Variants in NEDD4 observed in about 807,000 individuals in gnomAD.
NEDD4 encodes E3 ubiquitin-protein ligase NEDD4.
NEDD4 carries 99 observed loss-of-function variants against 144.9 expected under a neutral mutation model. The ratio of observed to expected loss-of-function variants is 0.68; its 90% CI spans 0.58 to 0.81. The LOEUF is 0.81. Ranked by LOEUF, NEDD4 falls within the 30% of genes least tolerant of loss-of-function variation. The probability of loss-of-function intolerance (pLI) is 0.00; values close to 1 mark genes in which losing one functional copy is unlikely to be tolerated. For synonymous variants in NEDD4, 318 were observed against 350.6 expected, an observed-to-expected ratio of 0.91 and a Z score of 1.04; for missense variants, 985 against 1,065.9, an observed-to-expected ratio of 0.92 and a Z score of 1.06.
At chr15:55,978,653 G>A (rs2142351440) in intron 1 of NEDD4, among the ~76,000 whole-genome samples, 1 of 152,208 alleles carries the variant, frequency 6.6e-6, no homozygotes. Context: ...TACCAGACCA[G>A]GGCTCTTCAC....
chr15:55,948,867 G>A (rs2037176037), intron 4 of NEDD4, among the ~76,000 whole-genome samples: 1 of 152,156 alleles, frequency 6.6e-6, no homozygotes, highest in Non-Finnish European at 1.5e-5. Context: ...GAAAACCCAG[G>A]CAGTACCATT....
At chr15:55,971,056 C>G (rs1231674748) in intron 1 of NEDD4, among the ~76,000 whole-genome samples, 3 of 152,114 alleles carry the variant, frequency 2.0e-5, no homozygotes, top group African/African-American at 7.2e-5. Context: ...AGAAGGATCT[C>G]AGGATCCTAT....
At chr15:55,878,149 G>C (rs1384925133) in intron 5 of NEDD4, among the ~76,000 whole-genome samples, 1 of 152,060 alleles carries the variant, frequency 6.6e-6, no homozygotes, top group Non-Finnish European at 1.5e-5. Context: ...ATAAATTGAA[G>C]ATAAAGGTAT....
At chr15:55,944,695 C>A (rs544774167) in intron 4 of NEDD4, among the ~76,000 whole-genome samples, 1 of 152,344 alleles carries the variant, frequency 6.6e-6, no homozygotes, top group East Asian at 1.9e-4. Flanking sequence ...AAGTGGGTCC[C>A]TGACCCCCGT....
chr15:55,931,882 A>G (rs1278238607), intron 4 of NEDD4, among the ~76,000 whole-genome samples: 4 of 152,206 alleles, frequency 2.6e-5, no homozygotes, highest in African/African-American at 9.6e-5. Context: ...ACAAAATGAA[A>G]CCTTATGTCT....
intron 8 of NEDD4, among the ~76,000 whole-genome samples, chr15:55,868,817 C>T (rs1437592289): frequency 6.6e-6 from 1 of 151,788 alleles, no homozygotes; most frequent in Non-Finnish European, 1.5e-5. Flanking sequence ...TTTTTTTGAC[C>T]CCTTTCCAAA....
At position 55,830,373 on chromosome 15, in the gene NEDD4, G is replaced by A. The variant is rs529238553; in HGVS notation, c.2600+141C>T. ...TTGGTAACAAAACACCTGTTCGTTGGGTGTCACCAACTCCTTCTTACCCAT... is the reference window on the plus strand; with the variant it reads ...TTGGTAACAAAACACCTGTTCGTTGAGTGTCACCAACTCCTTCTTACCCAT... On this transcript the variant is annotated intron_variant, in intron 28 of 28. Transcript: ENST00000435532. The A allele has an allele frequency of 1.6e-4, 118 of 757,174 alleles. No individual in the cohort carries two copies. The African/African-American group carries it at 1.8e-3, about 11-fold the overall frequency. 46.9% of individuals were successfully genotyped at this position (757,174 alleles called of 1,614,324 possible).
At chr15:55,875,297 T>A (rs1176220469) in intron 5 of NEDD4, among the ~76,000 whole-genome samples, 1 of 152,098 alleles carries the variant, frequency 6.6e-6, no homozygotes, top group African/African-American at 2.4e-5. Context: ...ATGAATCAAA[T>A]GCACATTTTA....
At chr15:55,862,618 A>T (rs1179366633) in intron 9 of NEDD4, among the ~76,000 whole-genome samples, 3 of 152,186 alleles carry the variant, frequency 2.0e-5, no homozygotes, top group Admixed American at 1.3e-4. Flanking sequence ...CTTCTAATTC[A>T]GCCTAAAAAT....
At chr15:55,939,161 G>C (rs138946818) in intron 4 of NEDD4, among the ~76,000 whole-genome samples, 17 of 152,100 alleles carry the variant, frequency 1.1e-4, no homozygotes, top group African/African-American at 3.9e-4. Flanking sequence ...ATATGGTTTG[G>C]CTCTGTTGCC....
intron 21 of NEDD4, among the ~76,000 whole-genome samples, chr15:55,839,655 G>A (rs985138269): frequency 4.6e-5 from 7 of 151,848 alleles, no homozygotes; most frequent in Admixed American, 6.6e-5. Context: ...TAACCATAAC[G>A]CTTTGCCTTT....
chr15:55,986,989 T>C (rs534422561), intron 1 of NEDD4, among the ~76,000 whole-genome samples: 1 of 150,884 alleles, frequency 6.6e-6, no homozygotes, highest in Non-Finnish European at 1.5e-5. Context: ...ATATACCCAG[T>C]AATGGGATGG....
intron 2 of NEDD4, among the ~76,000 whole-genome samples, chr15:55,956,829 T>C (rs2037346163): frequency 6.6e-6 from 1 of 152,196 alleles, no homozygotes; most frequent in Non-Finnish European, 1.5e-5. Flanking sequence ...GCTTATCAAT[T>C]TCTCTGAAAA....
rs559209613 is a variant in NEDD4 at position 55,975,623 on chromosome 15, C to T, written c.46-9077G>A. Among the ~76,000 whole-genome samples the T allele has an allele frequency of 9.2e-5, 12 of 130,674 alleles. No homozygotes were observed. In the East Asian group the frequency reaches 1.5e-3, roughly 16 times the overall value. The allele number at this position is 130,674 out of a possible 152,430, so 85.7% of individuals were successfully genotyped here. A position where few individuals can be genotyped will look rare whatever the true frequency, so the allele number is the denominator to read the frequency against. On this transcript the variant is annotated intron_variant, in intron 1 of 28. Coordinates refer to ENST00000435532, the MANE Select transcript of NEDD4 (RefSeq NM_006154.4). ...AACTATAGATGAAAGAGATAGAAGA[C>T]GACACCAAAAAAAAAACAAAAGGGA... is the stretch of plus-strand genomic sequence containing the variant.
chr15:55,880,170 T>A (rs2035134963), intron 5 of NEDD4, among the ~76,000 whole-genome samples: 1 of 152,120 alleles, frequency 6.6e-6, no homozygotes, highest in Admixed American at 6.5e-5. Context: ...TACATGCCTT[T>A]AATCCCAGCT....
intron 2 of NEDD4, among the ~76,000 whole-genome samples, chr15:55,959,129 G>T: frequency 6.6e-6 from 1 of 150,726 alleles, no homozygotes; most frequent in African/African-American, 2.4e-5. Context: ...TTTATATCTT[G>T]CTCCTTTTCT....
intron 5 of NEDD4, chr15:55,916,869 A>G (rs778885462): frequency 4.5e-6 from 7 of 1,549,036 alleles, no homozygotes; most frequent in South Asian, 3.8e-5. Flanking sequence ...GCTGAAAGTC[A>G]TAACAAAGAT....
chr15:55,922,895 C>CT (rs2036594803), intron 5 of NEDD4, among the ~76,000 whole-genome samples: 1 of 152,080 alleles, frequency 6.6e-6, no homozygotes, highest in African/African-American at 2.4e-5. Flanking sequence ...ATTATGTGGG[C>CT]TTTTTTGTAT....
At chr15:55,959,701 C>T (rs938646625) in intron 2 of NEDD4, among the ~76,000 whole-genome samples, 1 of 152,176 alleles carries the variant, frequency 6.6e-6, no homozygotes, top group African/African-American at 2.4e-5. Context: ...AGCAAACTGG[C>T]AGCTTGTGAG....
Sources: gnomAD v4.1 joint callset for allele counts (sites outside exome capture counted in the v4.1 genomes callset) on GRCh38, gnomAD v4.1.1 for gene constraint, MANE v1.5 for transcripts, NCBI Gene and HGNC (gene_info 2026-07-23, HGNC 2026-07-21) for gene names.